RALYL: variants seen among roughly 807,000 people sequenced by gnomAD.
RALYL encodes the protein RALY RNA binding protein like.
A neutral mutation model predicts 35.1 loss-of-function variants in RALYL; 29 were observed. The ratio of observed to expected loss-of-function variants is 0.83; its 90% CI spans 0.61 to 1.13. The LOEUF is 1.13. Ranked by LOEUF, RALYL falls within the 50% of genes most tolerant of loss-of-function variation. The pLI is 0.00. For synonymous variants in RALYL, 120 were observed against 127.6 expected (o/e 0.94, Z 0.40); for missense variants, 359 against 360.4 (o/e 1.00, Z 0.03).
chr8:84,431,265 A>T (rs533007723), intron 1 of RALYL, among the ~76,000 whole-genome samples: 1 of 152,180 alleles, frequency 6.6e-6, no homozygotes, highest in South Asian at 2.1e-4. Context: ...TGTCAGAACC[A>T]GTGCTGGAAG....
At chr8:84,833,292 G>C (rs994291918) in intron 4 of RALYL, among the ~76,000 whole-genome samples, 2 of 152,096 alleles carry the variant, frequency 1.3e-5, no homozygotes, top group African/African-American at 2.4e-5. Context: ...AAGTCCAATG[G>C]AATTATTACC....
intron 1 of RALYL, among the ~76,000 whole-genome samples, chr8:84,339,286 G>A (rs1848353843): frequency 1.3e-5 from 2 of 151,966 alleles, no homozygotes; most frequent in African/African-American, 4.8e-5. Flanking sequence ...GCTGCACAGT[G>A]GGAGATGAGT....
At chr8:84,704,417 T>G (rs1840769302) in intron 2 of RALYL, among the ~76,000 whole-genome samples, 1 of 150,564 alleles carries the variant, frequency 6.6e-6, no homozygotes, top group Non-Finnish European at 1.5e-5. Context: ...AGAGCGAGAC[T>G]CTATACCACC....
Position 84,805,487 on chromosome 8 carries a change from C to T in RALYL, c.365+685C>T, listed in dbSNP as rs535307275. 2.6e-5 allele frequency among the ~76,000 whole-genome samples: 4 copies of T among 152,208 alleles called. No individual in the cohort carries two copies. The South Asian group carries it at 6.2e-4, about 24-fold the overall frequency. Reference sequence around the variant, plus strand: ...TCACCTGAGGGCAGGAGCTCAAGACCGGCCTGGCCAACATGGTGAAACTCT... The same window carrying T: ...TCACCTGAGGGCAGGAGCTCAAGACTGGCCTGGCCAACATGGTGAAACTCT... On this transcript the variant is annotated intron_variant, in intron 4 of 8. Coordinates refer to ENST00000521268, the MANE Select transcript of RALYL (RefSeq NM_173848.7).
intron 5 of RALYL, among the ~76,000 whole-genome samples, chr8:84,859,355 G>T (rs1387121111): frequency 6.6e-6 from 1 of 152,122 alleles, no homozygotes; most frequent in Non-Finnish European, 1.5e-5. Context: ...GAAAGGTGGG[G>T]TTTTCCTTTT....
In RALYL at chr8:84,471,891, G is replaced by A. The variant is rs1047419574; in HGVS notation, c.-23-57408G>A. Among the ~76,000 whole-genome samples the A allele has an allele frequency of 2.0e-5, 3 of 152,084 alleles. No individual in the cohort carries two copies. The East Asian group carries it at 5.8e-4, about 29-fold the overall frequency. ...ACATAAAAAATACCATGAAGTGTTT[G>A]TTATATAAATAAACTTGGTAATCCT... On this transcript the variant is annotated intron_variant, in intron 1 of 8. Coordinates refer to ENST00000521268, the MANE Select transcript of RALYL (RefSeq NM_173848.7).
intron 1 of RALYL, among the ~76,000 whole-genome samples, chr8:84,414,920 C>G (rs185250664): frequency 1.9e-3 from 286 of 152,246 alleles, no homozygotes; most frequent in African/African-American, 6.6e-3. Context: ...TCATCGGAAG[C>G]ACTTGAGACC....
At chr8:84,215,505 C>T (rs1586243801) in intron 1 of RALYL, among the ~76,000 whole-genome samples, 1 of 150,644 alleles carries the variant, frequency 6.6e-6, no homozygotes. Context: ...AAATGCATAT[C>T]TATTCATAAA....
At chr8:84,552,504 C>T (rs1393990) in intron 2 of RALYL, among the ~76,000 whole-genome samples, 63,262 of 149,688 alleles carry the variant, frequency 0.42, 13,484 homozygotes, top group South Asian at 0.51. Flanking sequence ...GCTTAGAAGA[C>T]AAGGCAAGCA....
chr8:84,286,663 G>A (rs930107163), intron 1 of RALYL, among the ~76,000 whole-genome samples: 2 of 152,172 alleles, frequency 1.3e-5, no homozygotes, highest in African/African-American at 2.4e-5. Flanking sequence ...CTATATATTG[G>A]TATGATCTAG....
chr8:84,297,813 T>C (rs1840046850), intron 1 of RALYL, among the ~76,000 whole-genome samples: 1 of 152,174 alleles, frequency 6.6e-6, no homozygotes, highest in South Asian at 2.1e-4. Flanking sequence ...ATTGAGCATT[T>C]TTTCATATCT....
intron 1 of RALYL, among the ~76,000 whole-genome samples, chr8:84,436,543 G>GTTTTT (rs150233257): frequency 1.6e-5 from 1 of 62,396 alleles, no homozygotes; most frequent in Non-Finnish European, 2.7e-5. Context: ...AATCATGGGA[G>GTTTTT]TTTTTTTTTT....
At chr8:84,252,916 T>G (rs372405140) in intron 1 of RALYL, among the ~76,000 whole-genome samples, 23 of 152,168 alleles carry the variant, frequency 1.5e-4, no homozygotes, top group African/African-American at 4.3e-4. Flanking sequence ...ATCCTATGTT[T>G]CATTTGCTTC....
At chr8:84,467,837 TGC>T (rs1219600106) in intron 1 of RALYL, among the ~76,000 whole-genome samples, 1 of 139,266 alleles carries the variant, frequency 7.2e-6, no homozygotes, top group Non-Finnish European at 1.6e-5. Flanking sequence ...CTGTATTGGG[TGC>T]ATATATATTT....
chr8:84,537,686 C>T (rs1315156179), intron 2 of RALYL, among the ~76,000 whole-genome samples: 1 of 152,080 alleles, frequency 6.6e-6, no homozygotes, highest in African/African-American at 2.4e-5. Flanking sequence ...TCCTCATCAA[C>T]CTTCTCAAAG....
At chr8:84,445,804 A>G (rs1394206446) in intron 1 of RALYL, among the ~76,000 whole-genome samples, 4 of 151,520 alleles carry the variant, frequency 2.6e-5, no homozygotes. Flanking sequence ...TTGGAGCCAC[A>G]CTAAGTCACC....
chr8:84,621,224 G>C (rs536400582), intron 2 of RALYL, among the ~76,000 whole-genome samples: 86 of 152,124 alleles, frequency 5.7e-4, no homozygotes, highest in Non-Finnish European at 1.1e-3. Context: ...TCAGACTGCC[G>C]TGCTAGCAAT....
chr8:84,877,363 T>C lies in RALYL; in HGVS notation c.685+3966T>C, dbSNP rs1841374820. ...TTAGCCGGATGTGGTGGCACATGCC[T>C]GTAATCCCAGCTACTCAGGAGTCTG... On this transcript the variant is annotated intron_variant, in intron 7 of 8. Coordinates refer to ENST00000521268, the MANE Select transcript of RALYL (RefSeq NM_173848.7). Among the ~76,000 whole-genome samples the C allele has an allele frequency of 2.6e-5, 4 of 152,248 alleles. No homozygotes were observed. In the South Asian group the frequency reaches 8.3e-4, roughly 32 times the overall value.
At chr8:84,745,349 C>T (rs1563503033) in intron 2 of RALYL, among the ~76,000 whole-genome samples, 2 of 151,948 alleles carry the variant, frequency 1.3e-5, no homozygotes, top group Non-Finnish European at 2.9e-5. Context: ...TTATTAAGAT[C>T]CTATTTTTTA....
Sources: allele counts gnomAD v4.1 joint callset (sites outside exome capture counted in the v4.1 genomes callset), GRCh38; gene constraint gnomAD v4.1.1; transcripts MANE v1.5; gene names NCBI Gene and HGNC (gene_info 2026-07-23, HGNC 2026-07-21).